The following KIFC1 variants were observed in gnomAD, a reference collection of about 807,000 sequenced individuals.
KIFC1 encodes the protein kinesin family member C1.
In KIFC1, 37 loss-of-function variants were observed where a neutral mutation model predicts 66.6. The ratio of observed to expected loss-of-function variants is 0.56; its 90% confidence interval spans 0.43 to 0.73. KIFC1 has a LOEUF of 0.73. KIFC1 is among the 30% of genes least tolerant of loss of function. The probability of loss-of-function intolerance (pLI) is 0.00; values close to 1 mark genes in which losing one functional copy is unlikely to be tolerated. For missense variants in KIFC1, 721 were observed against 859.8 expected (o/e 0.84, Z 2.02); for synonymous variants, 325 against 343.5 (o/e 0.95, Z 0.60).
chr6:33,409,621 A>C lies in KIFC1; in HGVS notation c.1978-25A>C, dbSNP rs756913600. 14 of 1,612,300 alleles carry C rather than the reference A, an allele frequency of 8.7e-6. 2 individuals carry two copies. The Middle Eastern group carries it at 1.7e-3, about 190-fold the overall frequency. On this transcript the variant is annotated intron_variant, in intron 10 of 10. Transcript: ENST00000428849. ...TGTATTGGTTACGCTGCAAACTTTT[A>C]TCCTGTCTAACCCCCTGCCCCCAGG...
At chr6:33,391,516 G>T (rs1329975790), upstream of KIFC1, 6 of 193,834 alleles carry the variant, frequency 3.1e-5, no homozygotes, top group Non-Finnish European at 6.5e-5. Flanking sequence ...CACCAGTTTC[G>T]CTTGGCCAGT....
At chr6:33,407,131 G>A in intron 10 of KIFC1, 1 of 1,296,384 alleles carries the variant, frequency 7.7e-7, no homozygotes. Context: ...TAAACTGGTT[G>A]GGCGTAGTAG....
rs757978145 is a variant in KIFC1, at chr6:33,405,221, C to T, written c.1126C>T (p.Arg376Trp). 9.9e-6 allele frequency: 16 copies of T among 1,614,056 alleles called. No homozygotes were observed. The highest frequency in any genetic ancestry group is 2.2e-5 in the East Asian group (1 of 44,894). Residue 376 changes from arginine (R) to tryptophan (W), a missense_variant, in exon 7 of 11, where the codon CGG becomes TGG. Arg to Trp is a moderately radical substitution (Grantham distance 101). Transcript: ENST00000428849. The surrounding 1 kb of genome is among the most constrained non-coding windows in gnomAD (Gnocchi z 5.4). ...PPTRHDFSFDRVFPPGSGQDE... is the reference protein window; with the variant it reads ...PPTRHDFSFDWVFPPGSGQDE... Reference sequence around the variant, plus strand: ...AACTCGCCATGATTTTTCCTTTGACCGGGTATTCCCACCAGGAAGTGGACA... The same window carrying T: ...AACTCGCCATGATTTTTCCTTTGACTGGGTATTCCCACCAGGAAGTGGACA...
rs771084061 is a variant in KIFC1 at position 33,403,680 on chromosome 6, T to C, written c.356-49T>C. 3.8e-6 allele frequency: 6 copies of C among 1,594,174 alleles called. No individual in the cohort carries two copies. In the South Asian group the frequency reaches 4.5e-5, roughly 12 times the overall value. On this transcript the variant is annotated intron_variant, in intron 5 of 10. Coordinates refer to ENST00000428849, the MANE Select transcript of KIFC1 (RefSeq NM_002263.4). The surrounding 1 kb of genome is among the most constrained non-coding windows in gnomAD (Gnocchi z 4.6). The stretch of plus-strand genomic sequence containing the variant: ...CATAAAGGCTAGAAGGGAGGAGGGA[T>C]AGAGAGCCTAGACTTCACTGACCTT...
intron 1 of KIFC1, among the ~76,000 whole-genome samples, chr6:33,396,436 C>CTTTTTTTTTTTTTTT (rs199749552): frequency 1.8e-4 from 21 of 116,250 alleles, no homozygotes; most frequent in African/African-American, 3.8e-4. Flanking sequence ...CTTTTCTTTT[C>CTTTTTTTTTTTTTTT]TTTTTTTTTT....
chr6:33,392,125 C>A (rs1266995070), intron 1 of KIFC1, 128 bp downstream of exon 1: 2 of 1,067,974 alleles, frequency 1.9e-6, no homozygotes, highest in African/African-American at 3.2e-5. Context: ...GGTCCGTGCG[C>A]CCCCGCACAA....
Position 33,398,589 on chromosome 6 carries a change from G to A in KIFC1, c.250+202G>A, listed in dbSNP as rs541039901. The stretch of plus-strand genomic sequence containing the variant: ...AACGATTCTCCTACCTCAGCCTCCC[G>A]AGTAGCTGGGATTACAGGTGCCCAC... On this transcript the variant is annotated intron_variant, in intron 3 of 10. Transcript: ENST00000428849. Among the ~76,000 whole-genome samples the A allele has an allele frequency of 1.2e-4, 18 of 152,112 alleles. No homozygotes were observed. The East Asian group carries it at 1.9e-3, about 16-fold the overall frequency.
chr6:33,398,277 T>A lies in KIFC1; in HGVS notation c.151-11T>A. 1 of 1,614,020 alleles carries A rather than the reference T, an allele frequency of 6.2e-7. No homozygotes were observed. The stretch of plus-strand genomic sequence containing the variant: ...AGGGTGACTATGGACCTTGTCTTTA[T>A]CTTTCCCCAGAAACGGACAAGAGGC... On this transcript the variant is annotated splice_polypyrimidine_tract_variant and intron_variant, in intron 2 of 10. Coordinates refer to ENST00000428849, the MANE Select transcript of KIFC1 (RefSeq NM_002263.4).
chr6:33,392,104 G>A, intron 1 of KIFC1, 107 bp downstream of exon 1: 9 of 1,301,616 alleles, frequency 6.9e-6, no homozygotes, highest in Non-Finnish European at 8.6e-6. Context: ...CATGTCTACC[G>A]GGAGAGCGAA....
chr6:33,405,134 C>T lies in KIFC1; in HGVS notation c.1039C>T (p.Arg347Cys), dbSNP rs1234601003. ...TGGTGGGCCCTCTGATCCTCCAACCCGCCTTAGCCTCTCCCGGTCTGACGA... is the reference window on the plus strand; with the variant it reads ...TGGTGGGCCCTCTGATCCTCCAACCTGCCTTAGCCTCTCCCGGTCTGACGA... The part of the protein sequence containing the change: ...GPGGPSDPPT[R>C]LSLSRSDERR... The change falls in exon 7 of 11, where the codon CGC (arginine) becomes TGC (cysteine). Residue 347 changes from arginine to cysteine, a missense_variant. Transcript: ENST00000428849. The surrounding 1 kb of genome is among the most constrained non-coding windows in gnomAD (Gnocchi z 5.4). The T allele has an allele frequency of 9.3e-6, 15 of 1,614,058 alleles. No homozygotes were observed. The highest frequency in any genetic ancestry group is 2.7e-5 in the African/African-American group (2 of 74,946).
intron 3 of KIFC1, among the ~76,000 whole-genome samples, chr6:33,399,282 G>A (rs1380781590): frequency 6.6e-6 from 1 of 152,144 alleles, no homozygotes; most frequent in Non-Finnish European, 1.5e-5. Flanking sequence ...CAGCTACTCT[G>A]GAGGCTGAGG....
In KIFC1 at chr6:33,405,278, G is replaced by A; in HGVS notation, c.1183G>A (p.Val395Ile). 6.2e-7 allele frequency: 1 copy of A among 1,614,176 alleles called. No homozygotes were observed. Among genetic ancestry groups the A allele is most frequent in the East Asian group, 2.2e-5 (1 of 44,876 alleles). The change falls in exon 7 of 11, where the codon GTC becomes ATC. Residue 395 changes from valine (V) to isoleucine (I), a missense_variant. Coordinates refer to ENST00000428849, the MANE Select transcript of KIFC1 (RefSeq NM_002263.4). This position sits in a 1 kb window ranked among gnomAD's most constrained non-coding sequence, Gnocchi z 5.4. ...AGTGTTTGAAGAGATTGCCATGCTTGTCCAGTCAGCCCTGGATGGCTATCC... is the reference window on the plus strand; with the variant it reads ...AGTGTTTGAAGAGATTGCCATGCTTATCCAGTCAGCCCTGGATGGCTATCC... Reference protein sequence around the residue: ...DEVFEEIAMLVQSALDGYPVC... With the variant: ...DEVFEEIAMLIQSALDGYPVC...
chr6:33,409,826 G>A lies in KIFC1; in HGVS notation c.*136G>A. On this transcript the variant is annotated 3_prime_UTR_variant, in exon 11 of 11. Coordinates refer to ENST00000428849, the MANE Select transcript of KIFC1 (RefSeq NM_002263.4). ...TGCTTTATTGGGTGGAGGGCACCAT[G>A]TCCCAGGGCTATCAAATAAAGAATA... 2.4e-6 allele frequency: 2 copies of A among 826,424 alleles called. No homozygotes were observed. Among genetic ancestry groups the A allele is most frequent in the Admixed American group, 4.7e-5 (2 of 42,640 alleles). The allele number at this position is 826,424 out of a possible 1,614,324, so 51.2% of individuals were successfully genotyped here. A position where few individuals can be genotyped will look rare whatever the true frequency, so the allele number is the denominator to read the frequency against.
In KIFC1 at chr6:33,403,575, A is replaced by G. The variant is rs1775485487; in HGVS notation, c.355+40A>G. 1.2e-6 allele frequency: 2 copies of G among 1,605,708 alleles called. No individual in the cohort carries two copies. Among genetic ancestry groups the G allele is most frequent in the Admixed American group, 1.7e-5 (1 of 60,002 alleles). On this transcript the variant is annotated intron_variant, in intron 5 of 10. Transcript: ENST00000428849. The surrounding 1 kb of genome is among the most constrained non-coding windows in gnomAD (Gnocchi z 4.6). ...TAACCACTGGGTGAGAGGCTGGGAT[A>G]GGGAAGAGAAGATGGTGAGTGACCA...
chr6:33,398,225 GGA>G (rs1581909680), intron 2 of KIFC1, 59 bp downstream of exon 2: 14 of 1,613,454 alleles, frequency 8.7e-6, no homozygotes, highest in African/African-American at 2.7e-5. Context: ...GTGAAAGAAA[GGA>G]GAGAGAGAGT....
intron 1 of KIFC1, among the ~76,000 whole-genome samples, chr6:33,397,256 C>T (rs1425197859): frequency 1.3e-5 from 2 of 149,740 alleles, no homozygotes; most frequent in South Asian, 2.1e-4. Flanking sequence ...GAATTACAGG[C>T]ATAAGCCACC....
At chr6:33,407,721 C>A (rs933889767) in intron 10 of KIFC1, among the ~76,000 whole-genome samples, 1 of 152,222 alleles carries the variant, frequency 6.6e-6, no homozygotes, top group African/African-American at 2.4e-5. Context: ...AGACTCCAAA[C>A]CTCATGAGGG....
chr6:33,405,500 G>A lies in KIFC1; in HGVS notation c.1405G>A (p.Val469Ile). Residue 469 changes from valine to isoleucine, a missense_variant, in exon 7 of 11, where the codon GTC becomes ATC. By Grantham distance (29) the Val-to-Ile change is conservative (BLOSUM62 3). Transcript: ENST00000428849. The surrounding 1 kb of genome is among the most constrained non-coding windows in gnomAD (Gnocchi z 5.4). ...CTACGTAGAGATCTACAATGAGACT[G>A]TCCGGGACCTGCTGGCCACTGGAAC... ...ASYVEIYNET[V>I]RDLLATGTRK... 1.9e-6 allele frequency: 3 copies of A among 1,612,844 alleles called. No individual in the cohort carries two copies. Among genetic ancestry groups the A allele is most frequent in the Non-Finnish European group, 2.5e-6 (3 of 1,179,372 alleles).
chr6:33,399,151 G>C (rs1775248192), intron 3 of KIFC1, among the ~76,000 whole-genome samples: 1 of 152,162 alleles, frequency 6.6e-6, no homozygotes, highest in Non-Finnish European at 1.5e-5. Context: ...ACTTTGGGGG[G>C]CCAAGGTGTG....
Sources: gnomAD v4.1 joint callset for allele counts (sites outside exome capture counted in the v4.1 genomes callset) on GRCh38, gnomAD v4.1.1 for gene constraint, Gnocchi (gnomAD v3.1) non-coding constraint, MANE v1.5 for transcripts, NCBI Gene and HGNC (gene_info 2026-07-23, HGNC 2026-07-21) for gene names.